DGKD: variants seen among roughly 807,000 people sequenced by gnomAD.
DGKD encodes the protein DAG kinase delta.
DGKD carries 68 observed loss-of-function variants against 154.4 expected under a neutral mutation model. The observed-to-expected ratio is 0.44, with a 90% CI of 0.36 to 0.54. The LOEUF (loss-of-function observed/expected upper bound fraction) is 0.54. DGKD is among the 20% of genes least tolerant of loss of function. The probability of loss-of-function intolerance (pLI) is 0.00; values close to 1 mark genes in which losing one functional copy is unlikely to be tolerated. For synonymous variants in DGKD, 693 were observed against 638.0 expected, an observed-to-expected ratio of 1.09 and a Z score of -1.30; for missense variants, 1,343 against 1,593.6, an observed-to-expected ratio of 0.84 and a Z score of 2.68.
chr2:233,376,904 C>T (rs1702601806), intron 1 of DGKD, among the ~76,000 whole-genome samples: 1 of 152,020 alleles, frequency 6.6e-6, no homozygotes, highest in Admixed American at 6.5e-5. Flanking sequence ...TGTGCCTTCC[C>T]TGTCTCATCT....
chr2:233,463,921 C>T (rs952340479), intron 26 of DGKD: 5 of 511,050 alleles, frequency 9.8e-6, no homozygotes, highest in Non-Finnish European at 1.4e-5. Context: ...GGTCAGTTGT[C>T]AGCCTTGCTC....
At position 233,468,857 on chromosome 2, in the gene DGKD, A is replaced by T. The variant is rs112242276; in HGVS notation, c.3555+304A>T. 6.6e-3 allele frequency among the ~76,000 whole-genome samples: 1,013 copies of T among 152,352 alleles called. 14 individuals are homozygous for T. The highest frequency in any genetic ancestry group is 0.023 in the African/African-American group (967 of 41,578). On this transcript the variant is annotated intron_variant, in intron 29 of 29. Coordinates refer to ENST00000264057, the MANE Select transcript of DGKD (RefSeq NM_152879.3). ...GGGACACAGACCCTGAAGCACAGTCACACACGACTGTCCCCATGCTGCTCC... is the reference window on the plus strand; with the variant it reads ...GGGACACAGACCCTGAAGCACAGTCTCACACGACTGTCCCCATGCTGCTCC...
At chr2:233,380,745 G>A (rs562382318) in intron 1 of DGKD, among the ~76,000 whole-genome samples, 1 of 152,306 alleles carries the variant, frequency 6.6e-6, no homozygotes, top group East Asian at 1.9e-4. Flanking sequence ...CTTTAGGAAA[G>A]TGGGTGTGAA....
intron 1 of DGKD, among the ~76,000 whole-genome samples, chr2:233,384,115 A>T (rs752802294): frequency 6.6e-6 from 1 of 152,102 alleles, no homozygotes; most frequent in Non-Finnish European, 1.5e-5. Flanking sequence ...AAAACCTGTT[A>T]TCTTGCTTTC....
Position 233,390,409 on chromosome 2 carries a change from A to G in DGKD, c.274A>G (p.Ile92Val), listed in dbSNP as rs145898587. ...TGTGTTTGTCTCTTTCTAGTCAATC[A>G]TATTTGATGAGGTGGATCTGACAGA... is the stretch of plus-strand genomic sequence containing the variant. ...LYYAKTAKSIIFDEVDLTDAS... is the reference protein window; with the variant it reads ...LYYAKTAKSIVFDEVDLTDAS... Residue 92 changes from isoleucine to valine, a missense_variant, in exon 3 of 30, where the codon ATA (isoleucine) becomes GTA (valine). Ile to Val is a conservative substitution (Grantham distance 29). Coordinates refer to ENST00000264057, the MANE Select transcript of DGKD (RefSeq NM_152879.3). 23 of 1,613,932 alleles carry G rather than the reference A, an allele frequency of 1.4e-5. No individual in the cohort carries two copies. Among genetic ancestry groups the G allele is most frequent in the Non-Finnish European group, 1.9e-5 (23 of 1,179,900 alleles).
chr2:233,395,552 A>T (rs838722), intron 3 of DGKD, among the ~76,000 whole-genome samples: 1 of 149,884 alleles, frequency 6.7e-6, no homozygotes, highest in Non-Finnish European at 1.5e-5. Context: ...TAGTTCACAG[A>T]TTTTCTTTTT....
intron 25 of DGKD, 51 bp from the exon 26 acceptor site, chr2:233,462,592 C>T (rs76035074): frequency 7.6e-6 from 12 of 1,573,684 alleles, no homozygotes; most frequent in African/African-American, 1.3e-5. Context: ...TGCCCCTAAC[C>T]GTGCATGTTC....
At chr2:233,465,006 G>A (rs768526842) in intron 27 of DGKD, among the ~76,000 whole-genome samples, 62 of 152,368 alleles carry the variant, frequency 4.1e-4, no homozygotes, top group Non-Finnish European at 8.1e-4. Context: ...GTGGGCAGCA[G>A]TAAGGCGAGG....
rs916934981 is a variant in DGKD, at chr2:233,458,994, G to A, written c.2694+597G>A. 1.3e-5 allele frequency among the ~76,000 whole-genome samples: 2 copies of A among 152,350 alleles called. No individual in the cohort carries two copies. Among genetic ancestry groups the A allele is most frequent in the South Asian group, 2.1e-4 (1 of 4,830 alleles). ...AGCAGACCCAGGCTGGACTCTGCCCGTGTCTGCAGCTGTCAAAGCCGCAGT... is the reference window on the plus strand; with the variant it reads ...AGCAGACCCAGGCTGGACTCTGCCCATGTCTGCAGCTGTCAAAGCCGCAGT... On this transcript the variant is annotated intron_variant, in intron 22 of 29. Transcript: ENST00000264057. The surrounding 1 kb of genome is among the most constrained non-coding windows in gnomAD (Gnocchi z 6.6).
chr2:233,441,182 G>T lies in DGKD; in HGVS notation c.1086-705G>T, dbSNP rs2062873859. On this transcript the variant is annotated intron_variant, in intron 9 of 29. Coordinates refer to ENST00000264057, the MANE Select transcript of DGKD (RefSeq NM_152879.3). This position sits in a 1 kb window ranked among gnomAD's most constrained non-coding sequence, Gnocchi z 5.6. ...ATGAGGAGTGAGCAGAAGCGGCACT[G>T]GTCTCCTGAGTGGGGACGCTGCTGG... Among the ~76,000 whole-genome samples, 1 of 152,136 alleles carries T rather than the reference G, an allele frequency of 6.6e-6. No homozygotes were observed. Among genetic ancestry groups the T allele is most frequent in the South Asian group, 2.1e-4 (1 of 4,828 alleles).
intron 3 of DGKD, among the ~76,000 whole-genome samples, chr2:233,390,837 G>A (rs372762058): frequency 5.3e-5 from 8 of 152,180 alleles, no homozygotes; most frequent in Admixed American, 1.3e-4. Flanking sequence ...GAGTTCAAGC[G>A]ATTCTCCTGC....
At position 233,449,032 on chromosome 2, in the gene DGKD, C is replaced by T. The variant is rs952004605; in HGVS notation, c.1615-71C>T. 3.3e-6 allele frequency: 5 copies of T among 1,502,308 alleles called. No homozygotes were observed. In the African/African-American group the frequency reaches 6.9e-5, roughly 21 times the overall value. 93.1% of individuals were successfully genotyped at this position (1,502,308 alleles called of 1,614,324 possible). A position where few individuals can be genotyped will look rare whatever the true frequency, so the allele number is the denominator to read the frequency against. Reference sequence around the variant, plus strand: ...GTTCTAGGAAGTCTGGGTGAAATGGCCTGAGGTTCCCTGCCTGCAGACCCT... The same window carrying T: ...GTTCTAGGAAGTCTGGGTGAAATGGTCTGAGGTTCCCTGCCTGCAGACCCT... On this transcript the variant is annotated intron_variant, in intron 14 of 29. Transcript: ENST00000264057. The surrounding 1 kb of genome is among the most constrained non-coding windows in gnomAD (Gnocchi z 5.3).
At chr2:233,399,459 C>T (rs946365861) in intron 3 of DGKD, among the ~76,000 whole-genome samples, 2 of 152,204 alleles carry the variant, frequency 1.3e-5, no homozygotes, top group African/African-American at 4.8e-5. Flanking sequence ...CCAGCAGCCA[C>T]GGCAGGGCTG....
At chr2:233,460,437 C>T in intron 24 of DGKD, 92 bp downstream of exon 24, 1 of 1,498,178 alleles carries the variant, frequency 6.7e-7, no homozygotes, top group Non-Finnish European at 9.0e-7. Context: ...GGAGCTGCTG[C>T]TCCTGACTTT....
chr2:233,414,719 G>T (rs1395968457), intron 3 of DGKD, among the ~76,000 whole-genome samples: 1 of 152,194 alleles, frequency 6.6e-6, no homozygotes, highest in East Asian at 1.9e-4. Context: ...TTTCAGGTAT[G>T]TTTTTTCAAG....
intron 1 of DGKD, among the ~76,000 whole-genome samples, chr2:233,370,507 G>A (rs1277528238): frequency 3.3e-5 from 5 of 151,022 alleles, no homozygotes; most frequent in East Asian, 1.9e-4. Flanking sequence ...GTGAGCCACC[G>A]CACCCGGCCA....
chr2:233,412,856 T>C (rs544300281), intron 3 of DGKD, among the ~76,000 whole-genome samples: 2 of 152,360 alleles, frequency 1.3e-5, no homozygotes, highest in African/African-American at 2.4e-5. Context: ...ATGGTTTTTT[T>C]CTCCTTTATA....
intron 24 of DGKD, among the ~76,000 whole-genome samples, chr2:233,461,553 C>T (rs569159366): frequency 2.4e-4 from 37 of 152,394 alleles, no homozygotes; most frequent in Non-Finnish European, 4.8e-4. Context: ...TCCCCCACCC[C>T]ACCCAGATCA....
intron 3 of DGKD, among the ~76,000 whole-genome samples, chr2:233,412,034 G>A (rs902135203): frequency 1.3e-5 from 2 of 152,172 alleles, no homozygotes; most frequent in Middle Eastern, 3.4e-3. Context: ...TAGTTTTATA[G>A]GAAGTGTTGA....
Sources: allele counts gnomAD v4.1 joint callset (sites outside exome capture counted in the v4.1 genomes callset), GRCh38; gene constraint gnomAD v4.1.1; non-coding constraint Gnocchi (gnomAD v3.1); transcripts MANE v1.5; gene names NCBI Gene and HGNC (gene_info 2026-07-23, HGNC 2026-07-21).